S100Z: variants seen among roughly 807,000 people sequenced by gnomAD.
S100Z encodes the protein S100 calcium binding protein Z.
S100Z carries 11 observed loss-of-function variants against 8.5 expected under a neutral mutation model. The ratio of observed to expected loss-of-function variants is 1.30; its 90% CI spans 0.82 to 2.15. The LOEUF (loss-of-function observed/expected upper bound fraction) is 2.15. Ranked by LOEUF, S100Z falls within the 30% of genes most tolerant of loss-of-function variation. The pLI, the probability that S100Z is intolerant of heterozygous loss-of-function variation, is 0.00. For missense variants in S100Z, 126 were observed against 117.9 expected (o/e 1.07, Z -0.32); for synonymous variants, 34 against 43.8 (o/e 0.78, Z 0.89).
intron 1 of S100Z, among the ~76,000 whole-genome samples, chr5:76,852,114 G>A (rs1225094472): frequency 1.3e-5 from 2 of 151,618 alleles, no homozygotes; most frequent in South Asian, 2.1e-4. Context: ...ATCTGGCAAC[G>A]ATGATCTGGG....
chr5:76,883,857 G>T (rs1743499175), intron 4 of S100Z, among the ~76,000 whole-genome samples: 1 of 152,170 alleles, frequency 6.6e-6, no homozygotes, highest in Non-Finnish European at 1.5e-5. Flanking sequence ...GCAAGCTCCT[G>T]GGGAAGGAGT....
the S100Z span, among the ~76,000 whole-genome samples, chr5:76,941,772 C>T: frequency 2.0e-5 from 3 of 151,828 alleles, no homozygotes; most frequent in African/African-American, 7.3e-5. Context: ...GTGAAGTGCA[C>T]TTTTAAGGAG....
the S100Z span, among the ~76,000 whole-genome samples, chr5:76,949,863 A>G: frequency 7.2e-5 from 11 of 152,370 alleles, no homozygotes; most frequent in African/African-American, 2.6e-4. Flanking sequence ...TGCAAGATGA[A>G]TAAGTTCCAG....
At chr5:76,906,979 T>C in intron 4 of S100Z, among the ~76,000 whole-genome samples, 1 of 1,778 alleles carries the variant, frequency 5.6e-4, no homozygotes, top group South Asian at 8.3e-3. Flanking sequence ...TGTGTGTGTA[T>C]ATATATATAT....
chr5:76,925,732 T>C (rs1745127605), downstream of S100Z, among the ~76,000 whole-genome samples: 1 of 152,062 alleles, frequency 6.6e-6, no homozygotes, highest in African/African-American at 2.4e-5. Context: ...TTTAAGAGGC[T>C]GAGGGGGGCG....
At chr5:76,907,802 T>A (rs1744509539) in intron 4 of S100Z, among the ~76,000 whole-genome samples, 1 of 152,076 alleles carries the variant, frequency 6.6e-6, no homozygotes, top group Non-Finnish European at 1.5e-5. Flanking sequence ...CAGAAAAAAA[T>A]TCTAATGTAA....
chr5:76,929,272 C>A, the S100Z span, among the ~76,000 whole-genome samples: 3 of 152,220 alleles, frequency 2.0e-5, no homozygotes, highest in Admixed American at 1.3e-4. Flanking sequence ...CATATTGTAC[C>A]TTTTTTGTTT....
At chr5:76,914,379 C>CACCAATCAGCACTCTGTAAAAATGG (rs59153370) in intron 4 of S100Z, among the ~76,000 whole-genome samples, 2,185 of 130,074 alleles carry the variant, frequency 0.017, 80 homozygotes, top group African/African-American at 0.062. Context: ...TTTGTAAACA[C>CACCAATCAGCACTCTGTAAAAATGG]ACCAATCAGC....
chr5:76,885,293 G>T (rs939067057), intron 4 of S100Z, among the ~76,000 whole-genome samples: 5 of 152,020 alleles, frequency 3.3e-5, no homozygotes, highest in South Asian at 2.1e-4. Flanking sequence ...GGTAGGGGGT[G>T]CTTGCCCCCC....
intron 2 of S100Z, among the ~76,000 whole-genome samples, chr5:76,872,512 T>A (rs1743047430): frequency 6.8e-6 from 1 of 147,296 alleles, no homozygotes; most frequent in East Asian, 2.0e-4. Context: ...AATAAAAAAA[T>A]TAGTCAGGCA....
rs113767887 is a variant in S100Z, at chr5:76,880,513, T to G, written c.*2+2679T>G. On this transcript the variant is annotated intron_variant, in intron 4 of 4. Coordinates refer to ENST00000317593, the MANE Select transcript of S100Z (RefSeq NM_130772.4). ...GTGAGATTAAGCTGAAGGAAGATTTTGTGGTAAGGGGTGATATTGTGGGGT... is the reference window on the plus strand; with the variant it reads ...GTGAGATTAAGCTGAAGGAAGATTTGGTGGTAAGGGGTGATATTGTGGGGT... Among the ~76,000 whole-genome samples, 1,515 of 152,260 alleles carry G rather than the reference T, an allele frequency of 1.0e-2. 25 individuals carry two copies. Among genetic ancestry groups the G allele is most frequent in the African/African-American group, 0.022 (895 of 41,544 alleles).
intron 4 of S100Z, among the ~76,000 whole-genome samples, chr5:76,898,933 C>CTTTTTTTTTTTTT (rs56287065): frequency 1.1e-4 from 12 of 109,948 alleles, no homozygotes; most frequent in Admixed American, 2.1e-4. Context: ...CTTTTCTTTT[C>CTTTTTTTTTTTTT]TTTTTTTTTT....
At chr5:76,924,987 G>A (rs908237548), downstream of S100Z, among the ~76,000 whole-genome samples, 1 of 152,216 alleles carries the variant, frequency 6.6e-6, no homozygotes, top group Middle Eastern at 3.4e-3. Flanking sequence ...TGGCTGGTGA[G>A]TTCTGGCTCA....
chr5:76,906,158 C>A (rs564009357), intron 4 of S100Z, among the ~76,000 whole-genome samples: 16 of 152,256 alleles, frequency 1.1e-4, no homozygotes, highest in African/African-American at 3.6e-4. Context: ...TTATTTTATT[C>A]TTTATTAAGG....
chr5:76,941,680 C>T, the S100Z span, among the ~76,000 whole-genome samples: 1 of 152,152 alleles, frequency 6.6e-6, no homozygotes, highest in South Asian at 2.1e-4. Flanking sequence ...TGTCAGGCTT[C>T]TCCACTGTAG....
At chr5:76,910,840 C>T (rs192374356) in intron 4 of S100Z, among the ~76,000 whole-genome samples, 12 of 152,192 alleles carry the variant, frequency 7.9e-5, no homozygotes, top group Admixed American at 3.3e-4. Context: ...CCTCAAGGTC[C>T]GTTACCATCC....
At chr5:76,863,667 T>G (rs987158377) in intron 1 of S100Z, among the ~76,000 whole-genome samples, 1 of 151,962 alleles carries the variant, frequency 6.6e-6, no homozygotes, top group East Asian at 1.9e-4. Flanking sequence ...GCCTCCCAAG[T>G]AGCTGGGACT....
In S100Z at chr5:76,904,882, ATAAATTTTTAATTTTGAAAAAGT is replaced by A. The variant is rs538593547; in HGVS notation, c.*3-15834_*3-15812del. Among the ~76,000 whole-genome samples, 415 of 152,310 alleles carry A rather than the reference ATAAATTTTTAATTTTGAAAAAGT, an allele frequency of 2.7e-3. 4 individuals are homozygous for A. The highest frequency in any genetic ancestry group is 9.5e-3 in the African/African-American group (394 of 41,554). ...CTCTTAATATTGTCTTTTGTAGAAC[ATAAATTTTTAATTTTGAAAAAGT>A]CAAATTTATCAAATTTTTCTTTTGT... On this transcript the variant is annotated intron_variant, in intron 4 of 4. Transcript: ENST00000317593.
chr5:76,896,388 A>C (rs1206793621), intron 4 of S100Z, among the ~76,000 whole-genome samples: 1 of 152,164 alleles, frequency 6.6e-6, no homozygotes, highest in Non-Finnish European at 1.5e-5. Context: ...TCATGGTTGA[A>C]TAGTACTCCA....
Sources: allele counts gnomAD v4.1 joint callset (sites outside exome capture counted in the v4.1 genomes callset), GRCh38; gene constraint gnomAD v4.1.1; transcripts MANE v1.5; gene names NCBI Gene and HGNC (gene_info 2026-07-23, HGNC 2026-07-21).